The following CCSER1 variants were observed in gnomAD, a reference collection of about 807,000 sequenced individuals.
CCSER1 encodes the protein serine-rich coiled-coil domain-containing protein 1.
Under a neutral mutation model 82.0 loss-of-function variants are expected in CCSER1, and 41 were observed. That is an observed-to-expected ratio of 0.50 (90% confidence interval 0.39 to 0.65). The LOEUF is 0.65. CCSER1 is among the 30% of genes least tolerant of loss of function. The pLI, the probability that CCSER1 is intolerant of heterozygous loss-of-function variation, is 0.00. For missense variants in CCSER1, 1,119 were observed against 1,064.2 expected (o/e 1.05, Z -0.72); for synonymous variants, 414 against 383.9 (o/e 1.08, Z -0.92).
At chr4:90,993,578 A>C (rs1737229498) in intron 9 of CCSER1, among the ~76,000 whole-genome samples, 1 of 152,048 alleles carries the variant, frequency 6.6e-6, no homozygotes, top group South Asian at 2.1e-4. Flanking sequence ...GGATGGCTTA[A>C]ACAACAAACA....
chr4:91,451,644 T>A (rs1755875547), intron 10 of CCSER1, among the ~76,000 whole-genome samples: 1 of 151,760 alleles, frequency 6.6e-6, no homozygotes, highest in South Asian at 2.1e-4. Flanking sequence ...AAGGAGGAAA[T>A]CATGAGCATG....
intron 9 of CCSER1, among the ~76,000 whole-genome samples, chr4:91,073,227 A>G (rs369472511): frequency 4.6e-5 from 7 of 152,250 alleles, no homozygotes; most frequent in African/African-American, 1.2e-4. Context: ...AGCCCAAATC[A>G]TGATAAACTC....
intron 9 of CCSER1, among the ~76,000 whole-genome samples, chr4:91,030,892 T>TA (rs1195199556): frequency 6.6e-6 from 1 of 152,162 alleles, no homozygotes; most frequent in African/African-American, 2.4e-5. Context: ...ATTACTCTGT[T>TA]AGACCTCTTT....
chr4:90,340,896 CT>C (rs1196494602), intron 3 of CCSER1, among the ~76,000 whole-genome samples: 2 of 151,984 alleles, frequency 1.3e-5, no homozygotes, highest in Non-Finnish European at 2.9e-5. Flanking sequence ...AGATACTAAA[CT>C]GGAACATTTA....
intron 1 of CCSER1, among the ~76,000 whole-genome samples, chr4:90,217,371 A>AT (rs1484731763): frequency 2.6e-5 from 4 of 151,604 alleles, no homozygotes; most frequent in Admixed American, 6.6e-5. Context: ...TAATTTTTGT[A>AT]TTTTTTTAGT....
intron 9 of CCSER1, among the ~76,000 whole-genome samples, chr4:91,043,333 C>T (rs565035994): frequency 1.3e-5 from 2 of 152,058 alleles, no homozygotes; most frequent in East Asian, 3.9e-4. Context: ...GAAAAACTCT[C>T]CTCCTAGAAA....
chr4:90,889,035 G>A lies in CCSER1; in HGVS notation c.2095-34335G>A, dbSNP rs549663473. On this transcript the variant is annotated intron_variant, in intron 8 of 10. Transcript: ENST00000509176. The stretch of plus-strand genomic sequence containing the variant: ...CCAATTTTACTGTTAAAAATAATAC[G>A]TGATCAATATTCTACAAAGGTAAAA... Among the ~76,000 whole-genome samples the A allele has an allele frequency of 3.3e-5, 5 of 152,138 alleles. No homozygotes were observed. The South Asian group carries it at 6.2e-4, about 19-fold the overall frequency.
intron 6 of CCSER1, among the ~76,000 whole-genome samples, chr4:90,697,818 A>C (rs1050072367): frequency 6.6e-6 from 1 of 152,190 alleles, no homozygotes; most frequent in African/African-American, 2.4e-5. Context: ...TCAGGAATAC[A>C]TGTATAAGAA....
chr4:91,103,934 C>A (rs942866179), intron 10 of CCSER1, among the ~76,000 whole-genome samples: 7 of 152,168 alleles, frequency 4.6e-5, no homozygotes, highest in African/African-American at 1.2e-4. Flanking sequence ...TCACTAAATT[C>A]TTTTCCTAGC....
At chr4:91,083,512 C>A (rs1723029997) in intron 9 of CCSER1, among the ~76,000 whole-genome samples, 3 of 151,880 alleles carry the variant, frequency 2.0e-5, no homozygotes, top group African/African-American at 7.3e-5. Flanking sequence ...ACCTATGTAA[C>A]AAATCTGCAT....
chr4:90,234,732 G>A (rs1374156122), intron 1 of CCSER1, among the ~76,000 whole-genome samples: 1 of 152,064 alleles, frequency 6.6e-6, no homozygotes, highest in Non-Finnish European at 1.5e-5. Flanking sequence ...CATATTAGAT[G>A]GGGACTGTTA....
At chr4:91,056,788 G>T (rs981965337) in intron 9 of CCSER1, among the ~76,000 whole-genome samples, 3 of 152,172 alleles carry the variant, frequency 2.0e-5, no homozygotes, top group African/African-American at 7.2e-5. Context: ...CTAAGGATCA[G>T]GCTGAGGTGT....
At chr4:91,551,952 G>T (rs1762179592) in intron 10 of CCSER1, among the ~76,000 whole-genome samples, 1 of 151,616 alleles carries the variant, frequency 6.6e-6, no homozygotes, top group Non-Finnish European at 1.5e-5. Flanking sequence ...AAAGGGAGGG[G>T]AAAAATGCTG....
intron 10 of CCSER1, among the ~76,000 whole-genome samples, chr4:91,089,389 C>A (rs562669227): frequency 9.2e-5 from 14 of 152,322 alleles, no homozygotes; most frequent in African/African-American, 2.9e-4. Flanking sequence ...TGGCTCTGGG[C>A]TGCCTGCCTT....
intron 10 of CCSER1, among the ~76,000 whole-genome samples, chr4:91,378,622 G>T (rs182686842): frequency 6.6e-6 from 1 of 152,208 alleles, no homozygotes; most frequent in African/African-American, 2.4e-5. Context: ...CTTTCCTGAA[G>T]TTGCTTATCA....
intron 10 of CCSER1, among the ~76,000 whole-genome samples, chr4:91,185,445 C>T (rs1734437446): frequency 1.3e-5 from 2 of 152,230 alleles, no homozygotes; most frequent in Admixed American, 6.5e-5. Context: ...GGGTCCTCCA[C>T]AGACTCCTGT....
chr4:90,471,594 A>G (rs555361825), intron 5 of CCSER1, among the ~76,000 whole-genome samples: 3 of 152,256 alleles, frequency 2.0e-5, no homozygotes, highest in Admixed American at 2.0e-4. Context: ...TATTTGTTAA[A>G]TAGCCACATC....
chr4:91,446,225 A>C (rs1755544684), intron 10 of CCSER1, among the ~76,000 whole-genome samples: 1 of 152,034 alleles, frequency 6.6e-6, no homozygotes, highest in South Asian at 2.1e-4. Flanking sequence ...TTGCCAGATG[A>C]TAAGGATAGG....
intron 10 of CCSER1, among the ~76,000 whole-genome samples, chr4:91,181,528 C>T (rs1269275215): frequency 6.6e-6 from 1 of 152,152 alleles, no homozygotes; most frequent in Non-Finnish European, 1.5e-5. Flanking sequence ...TGAGGTGCCA[C>T]TATACCACAG....
Sources: gnomAD v4.1 joint callset for allele counts (sites outside exome capture counted in the v4.1 genomes callset) on GRCh38, gnomAD v4.1.1 for gene constraint, MANE v1.5 for transcripts, NCBI Gene and HGNC (gene_info 2026-07-23, HGNC 2026-07-21) for gene names.